The following PTPRD variants were observed in gnomAD, a reference collection of about 807,000 sequenced individuals.
PTPRD encodes the protein protein tyrosine phosphatase receptor type D.
A neutral mutation model predicts 214.5 loss-of-function variants in PTPRD; 34 were observed. That is an observed-to-expected ratio of 0.16 (90% confidence interval 0.12 to 0.21). The LOEUF is 0.21. Among genes scored for constraint, PTPRD ranks in the 10% least tolerant of loss-of-function variants. The pLI is 1.00. For synonymous variants in PTPRD, 1,128 were observed against 845.7 expected (o/e 1.33, Z -5.79); for missense variants, 2,545 against 2,398.7 (o/e 1.06, Z -1.27).
chr9:10,167,027 T>G (rs1480098025), intron 3 of PTPRD, among the ~76,000 whole-genome samples: 3 of 152,142 alleles, frequency 2.0e-5, no homozygotes, highest in Non-Finnish European at 4.4e-5. Flanking sequence ...CTTTCAGAAT[T>G]GTTATTAAGC....
chr9:8,740,831 A>T (rs926729119), intron 11 of PTPRD, among the ~76,000 whole-genome samples: 3 of 152,206 alleles, frequency 2.0e-5, no homozygotes, highest in African/African-American at 7.2e-5. Flanking sequence ...GGCTTAGGCT[A>T]TGACTTAATA....
At chr9:9,762,502 T>G (rs931564036) in intron 6 of PTPRD, among the ~76,000 whole-genome samples, 1 of 152,280 alleles carries the variant, frequency 6.6e-6, no homozygotes, top group East Asian at 1.9e-4. Context: ...CATTTTACCA[T>G]AGCAATCAAG....
At chr9:10,377,335 C>T (rs2097751406) in intron 2 of PTPRD, among the ~76,000 whole-genome samples, 2 of 151,838 alleles carry the variant, frequency 1.3e-5, no homozygotes, top group Non-Finnish European at 2.9e-5. Context: ...TACACGAGCA[C>T]AATATGCAGT....
rs141194996 is a variant in PTPRD, at chr9:10,177,005, T to G, written c.-544-143215A>C. Among the ~76,000 whole-genome samples, 717 of 152,078 alleles carry G rather than the reference T, an allele frequency of 4.7e-3. 5 individuals are homozygous for G. The highest frequency in any genetic ancestry group is 7.3e-3 in the Non-Finnish European group (498 of 67,864). On this transcript the variant is annotated intron_variant, in intron 3 of 45. Coordinates refer to ENST00000381196, the MANE Select transcript of PTPRD (RefSeq NM_002839.4). ...TTTGTTTCATTTTTTTGCTCATCCA[T>G]GTAACCTACACATGTTACAACCAGC...
chr9:9,238,485 C>T (rs1331122438), intron 9 of PTPRD, among the ~76,000 whole-genome samples: 1 of 152,034 alleles, frequency 6.6e-6, no homozygotes, highest in African/African-American at 2.4e-5. Flanking sequence ...GTGAGGAAGG[C>T]CTCGGGCATC....
chr9:9,217,084 T>C (rs1039336778), intron 9 of PTPRD, among the ~76,000 whole-genome samples: 1 of 152,138 alleles, frequency 6.6e-6, no homozygotes, highest in African/African-American at 2.4e-5. Flanking sequence ...AGACAACTTA[T>C]ATGCAAATGA....
In PTPRD at chr9:9,363,979, A is replaced by T. The variant is rs77940066; in HGVS notation, c.-203+33470T>A. ...ATCCCCACACTGTCTGACACACGGC[A>T]TTTTATGGTATTAGTTGAAGGCTAA... On this transcript the variant is annotated intron_variant, in intron 9 of 45. Coordinates refer to ENST00000381196, the MANE Select transcript of PTPRD (RefSeq NM_002839.4). Among the ~76,000 whole-genome samples the T allele has an allele frequency of 5.9e-5, 9 of 151,498 alleles. No homozygotes were observed. In the East Asian group the frequency reaches 1.8e-3, roughly 29 times the overall value.
intron 12 of PTPRD, among the ~76,000 whole-genome samples, chr9:8,690,946 G>C: frequency 6.6e-6 from 1 of 152,092 alleles, no homozygotes; most frequent in East Asian, 1.9e-4. Flanking sequence ...TTTGACTGGG[G>C]CATTTCTGTC....
chr9:8,846,481 A>G (rs185410156), intron 11 of PTPRD, among the ~76,000 whole-genome samples: 1 of 152,350 alleles, frequency 6.6e-6, no homozygotes, highest in African/African-American at 2.4e-5. Context: ...CACTATATGT[A>G]GAATTTATTC....
intron 8 of PTPRD, among the ~76,000 whole-genome samples, chr9:9,421,187 T>C (rs1462884953): frequency 6.6e-6 from 1 of 152,000 alleles, no homozygotes; most frequent in Admixed American, 6.6e-5. Flanking sequence ...CCTGCCTTTA[T>C]ATATTGCCTT....
At chr9:9,283,172 G>T (rs1045845744) in intron 9 of PTPRD, among the ~76,000 whole-genome samples, 1 of 151,392 alleles carries the variant, frequency 6.6e-6, no homozygotes, top group East Asian at 2.0e-4. Context: ...AATAAGACAG[G>T]ATGGCTTGAT....
chr9:10,574,759 A>ATG (rs1385062101), intron 2 of PTPRD, among the ~76,000 whole-genome samples: 1 of 138,864 alleles, frequency 7.2e-6, no homozygotes, highest in East Asian at 2.3e-4. Context: ...AATGGTTCAA[A>ATG]TATATATGTG....
intron 3 of PTPRD, among the ~76,000 whole-genome samples, chr9:10,067,216 G>A (rs73641841): frequency 0.017 from 2,528 of 151,906 alleles, 65 homozygotes; most frequent in African/African-American, 0.056. Flanking sequence ...GTCCTTTGGA[G>A]GAGAGCAGTA....
chr9:9,093,896 T>A (rs2099779791), intron 10 of PTPRD, among the ~76,000 whole-genome samples: 1 of 149,270 alleles, frequency 6.7e-6, no homozygotes, highest in Non-Finnish European at 1.5e-5. Flanking sequence ...TATAAAAAGA[T>A]CAGTAAAATT....
chr9:10,567,564 T>C (rs2065999685), intron 2 of PTPRD, among the ~76,000 whole-genome samples: 1 of 152,156 alleles, frequency 6.6e-6, no homozygotes, highest in Non-Finnish European at 1.5e-5. Flanking sequence ...CCTACCCTTT[T>C]GTTTTTCCTT....
In PTPRD at chr9:9,326,439, G is replaced by A. The variant is rs530680193; in HGVS notation, c.-203+71010C>T. Among the ~76,000 whole-genome samples the A allele has an allele frequency of 5.6e-4, 85 of 152,050 alleles. 2 individuals carry two copies. In the South Asian group the frequency reaches 0.016, roughly 29 times the overall value. On this transcript the variant is annotated intron_variant, in intron 9 of 45. Coordinates refer to ENST00000381196, the MANE Select transcript of PTPRD (RefSeq NM_002839.4). ...TGCATATAACTCTACCTTTATGCTCGTTTTATCAATTAGAAAACAGAGATT... is the reference window on the plus strand; with the variant it reads ...TGCATATAACTCTACCTTTATGCTCATTTTATCAATTAGAAAACAGAGATT...
chr9:9,413,501 C>A (rs573215828), intron 8 of PTPRD, among the ~76,000 whole-genome samples: 3 of 152,216 alleles, frequency 2.0e-5, no homozygotes, highest in South Asian at 4.1e-4. Flanking sequence ...TTAAATGGAA[C>A]CTTATAATGG....
At chr9:8,920,391 G>C (rs1265743948) in intron 11 of PTPRD, among the ~76,000 whole-genome samples, 1 of 151,994 alleles carries the variant, frequency 6.6e-6, no homozygotes, top group Admixed American at 6.6e-5. Flanking sequence ...CAATGTATTT[G>C]GAATGAGGAA....
chr9:10,596,354 A>C (rs1242818213), intron 2 of PTPRD, among the ~76,000 whole-genome samples: 1 of 151,696 alleles, frequency 6.6e-6, no homozygotes, highest in African/African-American at 2.4e-5. Flanking sequence ...ACCCATATAC[A>C]CACACATATA....
Sources: allele counts gnomAD v4.1 joint callset (sites outside exome capture counted in the v4.1 genomes callset), GRCh38; gene constraint gnomAD v4.1.1; transcripts MANE v1.5; gene names NCBI Gene and HGNC (gene_info 2026-07-23, HGNC 2026-07-21).